The following EDAR variants were observed in gnomAD, a reference collection of about 807,000 sequenced individuals.
EDAR encodes ectodysplasin A receptor.
Under a neutral mutation model 51.3 loss-of-function variants are expected in EDAR, and 38 were observed. That is an observed-to-expected ratio of 0.74 (90% CI 0.57 to 0.97). The LOEUF is 0.97. Among genes scored for constraint, EDAR ranks in the 50% least tolerant of loss-of-function variants. EDAR has a pLI of 0.00. For synonymous variants in EDAR, 227 were observed against 242.1 expected, an observed-to-expected ratio of 0.94 and a Z score of 0.58; for missense variants, 528 against 595.0, an observed-to-expected ratio of 0.89 and a Z score of 1.17.
chr2:108,907,745 T>A, intron 10 of EDAR, 115 bp downstream of exon 10: 1 of 1,264,486 alleles, frequency 7.9e-7, no homozygotes, highest in Admixed American at 1.7e-5. Flanking sequence ...TATCTTGGAC[T>A]TCTGGGAGAA....
Position 108,929,301 on chromosome 2 carries a change from G to A in EDAR, c.253C>T (p.Gln85Ter), listed in dbSNP as rs1220426155. Residue 85 changes from glutamine (Q) to a stop codon, truncating the protein, a stop_gained, in exon 4 of 12, where the codon CAG (glutamine) becomes TAG (stop). Transcript: ENST00000258443. LOFTEE classifies it high-confidence loss of function. Reference sequence around the variant, plus strand: ...CAGTCTTTGTGACGCCTGCATATCTGGTAGCCTCCTTTGGAAAACTTCTCC... The same window carrying A: ...CAGTCTTTGTGACGCCTGCATATCTAGTAGCCTCCTTTGGAAAACTTCTCC... ...PAEKFSKGGY[Q>*]ICRRHKDCEG... is the part of the protein sequence containing the mutation. 6.2e-7 allele frequency: 1 copy of A among 1,614,060 alleles called. No individual in the cohort carries two copies.
intron 1 of EDAR, among the ~76,000 whole-genome samples, chr2:108,977,674 C>G (rs1291724704): frequency 6.6e-6 from 1 of 152,080 alleles, no homozygotes; most frequent in Non-Finnish European, 1.5e-5. Context: ...CCGGCTCTCA[C>G]TAGGAGTCAC....
At chr2:108,904,743 A>C (rs562660881) in intron 11 of EDAR, among the ~76,000 whole-genome samples, 1 of 152,342 alleles carries the variant, frequency 6.6e-6, no homozygotes, top group African/African-American at 2.4e-5. Flanking sequence ...TTCCACTTTT[A>C]TAACACTCTT....
intron 5 of EDAR, among the ~76,000 whole-genome samples, chr2:108,921,497 G>C (rs1697140337): frequency 6.6e-6 from 1 of 152,206 alleles, no homozygotes; most frequent in Non-Finnish European, 1.5e-5. Flanking sequence ...CTGTGGGTTT[G>C]ACAAAGACAG....
At chr2:108,917,644 A>AG (rs1488595129) in intron 5 of EDAR, among the ~76,000 whole-genome samples, 4 of 152,090 alleles carry the variant, frequency 2.6e-5, no homozygotes, top group Admixed American at 1.3e-4. Context: ...TGCTAAGACT[A>AG]GAGGGGGGTC....
chr2:108,965,007 C>G (rs1217768435), intron 1 of EDAR, among the ~76,000 whole-genome samples: 2 of 152,062 alleles, frequency 1.3e-5, no homozygotes, highest in East Asian at 3.9e-4. Flanking sequence ...CACAACCTGC[C>G]TCTTTTACAT....
intron 5 of EDAR, among the ~76,000 whole-genome samples, chr2:108,920,081 A>G (rs1328449714): frequency 1.3e-5 from 2 of 152,176 alleles, no homozygotes; most frequent in Non-Finnish European, 2.9e-5. Flanking sequence ...CCTCATCTGA[A>G]TCTCTTTCCC....
rs77862328 is a variant in EDAR, at chr2:108,979,725, G to A, written c.-19+9235C>T. 8.9e-3 allele frequency among the ~76,000 whole-genome samples: 1,352 copies of A among 152,288 alleles called. 27 individuals are homozygous for A. Among genetic ancestry groups the A allele is most frequent in the African/African-American group, 0.031 (1,301 of 41,562 alleles). On this transcript the variant is annotated intron_variant, in intron 1 of 11. Transcript: ENST00000258443. The stretch of plus-strand genomic sequence containing the variant: ...GGAGAGGAGGGCTTGAGCAGGTCCA[G>A]GCAGCAGTAGCCAACAGAGGAGGAG...
At chr2:108,915,897 CA>C (rs111582688) in intron 5 of EDAR, among the ~76,000 whole-genome samples, 23 of 144,992 alleles carry the variant, frequency 1.6e-4, no homozygotes, top group South Asian at 1.1e-3. Flanking sequence ...AACTCCATCT[CA>C]AAAAAAAAAT....
intron 1 of EDAR, among the ~76,000 whole-genome samples, chr2:108,974,501 G>T (rs7560650): frequency 6.6e-6 from 1 of 151,754 alleles, no homozygotes; most frequent in Non-Finnish European, 1.5e-5. Flanking sequence ...GGAGGCCAAG[G>T]GGGGTGGATC....
In EDAR at chr2:108,923,360, A is replaced by G; in HGVS notation, c.442+8T>C. On this transcript the variant is annotated splice_region_variant and intron_variant, in intron 5 of 11. Coordinates refer to ENST00000258443, the MANE Select transcript of EDAR (RefSeq NM_022336.4). ...ATACCGTGCTGGTGGAAGGACAAAG[A>G]CACTCACATTCCTTGGTGTTGGGGG... 6.2e-7 allele frequency: 1 copy of G among 1,613,682 alleles called. No individual in the cohort carries two copies. The highest frequency in any genetic ancestry group is 8.5e-7 in the Non-Finnish European group (1 of 1,179,546).
chr2:108,973,625 G>A (rs778934206), intron 1 of EDAR, among the ~76,000 whole-genome samples: 1 of 152,224 alleles, frequency 6.6e-6, no homozygotes, highest in Non-Finnish European at 1.5e-5. Flanking sequence ...GCCTCCGGAA[G>A]AACAGAAGGA....
chr2:108,919,733 T>C (rs564874315), intron 5 of EDAR, among the ~76,000 whole-genome samples: 4 of 152,262 alleles, frequency 2.6e-5, no homozygotes, highest in African/African-American at 9.6e-5. Flanking sequence ...GTTTGAACTG[T>C]AGCCGGGCCA....
chr2:108,947,534 A>G (rs1574398504), intron 1 of EDAR, among the ~76,000 whole-genome samples: 1 of 152,080 alleles, frequency 6.6e-6, no homozygotes, highest in Non-Finnish European at 1.5e-5. Context: ...ATTTTCATAC[A>G]TACTCTGAAA....
At chr2:108,932,089 C>T (rs1242190563) in intron 1 of EDAR, among the ~76,000 whole-genome samples, 1 of 152,150 alleles carries the variant, frequency 6.6e-6, no homozygotes, top group Non-Finnish European at 1.5e-5. Context: ...ATTCCCAATA[C>T]CACACACAAA....
chr2:108,919,769 C>T (rs1001389740), intron 5 of EDAR, among the ~76,000 whole-genome samples: 7 of 151,986 alleles, frequency 4.6e-5, no homozygotes, highest in African/African-American at 1.7e-4. Flanking sequence ...GTCAGCGAGG[C>T]TCCGTGGGGC....
chr2:108,942,586 T>A (rs1486746131), intron 1 of EDAR, among the ~76,000 whole-genome samples: 1 of 152,364 alleles, frequency 6.6e-6, no homozygotes, highest in African/African-American at 2.4e-5. Flanking sequence ...GTGCCTTCAT[T>A]TTGTGAGTCT....
intron 1 of EDAR, 107 bp from the exon 2 acceptor site, chr2:108,931,139 A>C (rs895733869): frequency 9.2e-6 from 8 of 865,452 alleles, no homozygotes; most frequent in African/African-American, 6.7e-5. Context: ...CAGCAAACAG[A>C]GGGGAAACTA....
chr2:108,963,738 T>G (rs1223920410), intron 1 of EDAR, among the ~76,000 whole-genome samples: 1 of 152,236 alleles, frequency 6.6e-6, no homozygotes, highest in South Asian at 2.1e-4. Flanking sequence ...TCCCAGGCTA[T>G]GGGTATCACA....
Sources: gnomAD v4.1 joint callset for allele counts (sites outside exome capture counted in the v4.1 genomes callset) on GRCh38, gnomAD v4.1.1 for gene constraint, MANE v1.5 for transcripts, NCBI Gene and HGNC (gene_info 2026-07-23, HGNC 2026-07-21) for gene names.